The following PRRC2C variants were observed in gnomAD, a reference collection of about 807,000 sequenced individuals.
The protein encoded by PRRC2C is proline rich coiled-coil 2C.
PRRC2C carries 72 observed loss-of-function variants against 317.2 expected under a neutral mutation model. The observed-to-expected ratio is 0.23, with a 90% CI of 0.19 to 0.28. The LOEUF (loss-of-function observed/expected upper bound fraction) is 0.28, where lower values mean the gene tolerates loss of function less well. Among genes scored for constraint, PRRC2C ranks in the 10% least tolerant of loss-of-function variants. The pLI is 1.00. For synonymous variants in PRRC2C, 1,296 were observed against 1,205.9 expected, an observed-to-expected ratio of 1.07 and a Z score of -1.55; for missense variants, 3,074 against 3,459.7, an observed-to-expected ratio of 0.89 and a Z score of 2.80.
At chr1:171,503,485 C>T (rs1352010388) in intron 1 of PRRC2C, among the ~76,000 whole-genome samples, 2 of 151,430 alleles carry the variant, frequency 1.3e-5, no homozygotes, top group South Asian at 2.1e-4. Flanking sequence ...GATCGCGCCA[C>T]TGCACTCCAG....
chr1:171,487,822 A>G (rs1393468797), intron 1 of PRRC2C, among the ~76,000 whole-genome samples: 1 of 152,208 alleles, frequency 6.6e-6, no homozygotes, highest in African/African-American at 2.4e-5. Context: ...CTTCCAAGCA[A>G]TAAATAATCT....
intron 19 of PRRC2C, among the ~76,000 whole-genome samples, chr1:171,559,859 G>A (rs995946233): frequency 6.6e-6 from 1 of 152,054 alleles, no homozygotes; most frequent in Non-Finnish European, 1.5e-5. Context: ...GAGACCTACT[G>A]CTCAGGGGGA....
intron 30 of PRRC2C, among the ~76,000 whole-genome samples, chr1:171,586,704 C>G (rs927237177): frequency 2.0e-5 from 3 of 151,834 alleles, no homozygotes; most frequent in African/African-American, 7.3e-5. Context: ...CCTCAGCCTC[C>G]CAAGTAGCTG....
chr1:171,575,408 A>C (rs1026884464), intron 25 of PRRC2C, among the ~76,000 whole-genome samples: 1 of 152,194 alleles, frequency 6.6e-6, no homozygotes, highest in Non-Finnish European at 1.5e-5. Flanking sequence ...AAGAACAGAG[A>C]ATCACACCTC....
chr1:171,557,763 C>T lies in PRRC2C; in HGVS notation c.5651C>T (p.Ser1884Phe), dbSNP rs144754525. ...CCAACGCCAGCCCCAGCAGCCTCTT[C>T]CCCAGCTGCCCCAGTCATCACAGCA... Reference protein sequence around the residue: ...SAPTPAPAASSPAAPVITAPT... With the variant: ...SAPTPAPAASFPAAPVITAPT... The change falls in exon 19 of 35, where the codon TCC becomes TTC. Residue 1884 changes from serine to phenylalanine, a missense_variant. Transcript: ENST00000647382. 166 of 1,551,120 alleles carry T rather than the reference C, an allele frequency of 1.1e-4. No homozygotes were observed. The highest frequency in any genetic ancestry group is 1.4e-4 in the Non-Finnish European group (160 of 1,146,624).
chr1:171,552,426 C>T (rs998250754), intron 18 of PRRC2C, among the ~76,000 whole-genome samples: 85 of 152,196 alleles, frequency 5.6e-4, no homozygotes, highest in African/African-American at 2.0e-3. Flanking sequence ...AATTTGACTT[C>T]CTCTTTTCCT....
At chr1:171,576,143 T>G (rs1685658567) in intron 25 of PRRC2C, among the ~76,000 whole-genome samples, 1 of 152,246 alleles carries the variant, frequency 6.6e-6, no homozygotes, top group South Asian at 2.1e-4. Flanking sequence ...ACCACTCATT[T>G]GCCAAGGCAT....
chr1:171,557,407 A>T lies in PRRC2C; in HGVS notation c.5295A>T (p.Pro1765=). The T allele has an allele frequency of 6.5e-7, 1 of 1,548,568 alleles. No homozygotes were observed. The highest frequency in any genetic ancestry group is 1.2e-5 in the South Asian group (1 of 83,922). The part of the protein sequence containing the change: ...PLPPSTSASV[P]ASTSAPLPAT... ...CACCTTCAACCTCAGCTTCAGTTCC[A>T]GCCTCAACCTCAGCTCCACTTCCGG... The change falls in exon 19 of 35, where the codon CCA becomes CCT. Residue 1765 remains proline, a synonymous_variant. Transcript: ENST00000647382.
At chr1:171,589,831 A>G (rs1650978774) in intron 34 of PRRC2C, among the ~76,000 whole-genome samples, 1 of 146,762 alleles carries the variant, frequency 6.8e-6, no homozygotes, top group Admixed American at 6.9e-5. Context: ...TTTTTTTGCA[A>G]CTGTAGTCAG....
At chr1:171,533,615 T>TGTGGTG (rs1382281174) in intron 12 of PRRC2C, among the ~76,000 whole-genome samples, 1 of 152,110 alleles carries the variant, frequency 6.6e-6, no homozygotes, top group Admixed American at 6.6e-5. Context: ...TTGTTGTTGT[T>TGTGGTG]GTGGTGGTGG....
At position 171,537,384 on chromosome 1, in the gene PRRC2C, T is replaced by A. The variant is rs768843942; in HGVS notation, c.2415T>A (p.Pro805=). ...ARDHAISLSE[P]RMLWGSDPYP... is the part of the protein sequence containing the mutation. The stretch of plus-strand genomic sequence containing the variant: ...ATCACGCAATTTCCCTTTCTGAGCC[T>A]CGTATGCTGTGGGGGTCAGATCCCT... Residue 805 remains proline, a synonymous_variant, in exon 15 of 35, where the codon CCT becomes CCA. Transcript: ENST00000647382. 1 of 1,588,406 alleles carries A rather than the reference T, an allele frequency of 6.3e-7. No individual in the cohort carries two copies. The highest frequency in any genetic ancestry group is 1.2e-5 in the South Asian group (1 of 86,828).
intron 3 of PRRC2C, among the ~76,000 whole-genome samples, chr1:171,514,260 GTA>G (rs1491379548): frequency 3.6e-4 from 42 of 116,728 alleles, no homozygotes; most frequent in East Asian, 8.1e-4. Context: ...AAGTGTGTGT[GTA>G]TGTGTGTGTG....
intron 4 of PRRC2C, 33 bp downstream of exon 4, chr1:171,514,678 G>A (rs376592363): frequency 6.6e-7 from 1 of 1,518,438 alleles, no homozygotes; most frequent in African/African-American, 1.4e-5. Flanking sequence ...AGCTGCCTAG[G>A]CTTGATAGTT....
chr1:171,568,666 C>T (rs1424201184), intron 23 of PRRC2C, among the ~76,000 whole-genome samples: 2 of 152,108 alleles, frequency 1.3e-5, no homozygotes, highest in South Asian at 2.1e-4. Flanking sequence ...TTAACATGAA[C>T]GGTTGGTGAT....
intron 2 of PRRC2C, 92 bp from the exon 3 acceptor site, chr1:171,512,903 G>A (rs185285171): frequency 3.5e-6 from 4 of 1,131,516 alleles, no homozygotes; most frequent in African/African-American, 3.1e-5. Context: ...TTCAGGGATT[G>A]CATTAATTCC....
intron 17 of PRRC2C, among the ~76,000 whole-genome samples, chr1:171,548,192 C>T (rs1206877376): frequency 2.0e-5 from 3 of 152,070 alleles, no homozygotes; most frequent in African/African-American, 7.3e-5. Context: ...TAGTCAGGAA[C>T]TCCTGACCTC....
rs375449848 is a variant in PRRC2C at position 171,583,913 on chromosome 1, G to C, written c.7410-43G>C. The C allele has an allele frequency of 5.9e-6, 9 of 1,519,104 alleles. No homozygotes were observed. In the African/African-American group the frequency reaches 9.6e-5, roughly 16 times the overall value. 94.1% of individuals were successfully genotyped at this position (1,519,104 alleles called of 1,614,324 possible). A position where few individuals can be genotyped will look rare whatever the true frequency, so the allele number is the denominator to read the frequency against. On this transcript the variant is annotated intron_variant, in intron 28 of 34. Coordinates refer to ENST00000647382, the MANE Select transcript of PRRC2C (RefSeq NM_001387844.1). ...TTCTTAAGATTTTCAGATTCCAGAT[G>C]AAATTAACTTCTAACAATATTTTCT...
At chr1:171,494,858 G>C (rs997404538) in intron 1 of PRRC2C, among the ~76,000 whole-genome samples, 1 of 151,818 alleles carries the variant, frequency 6.6e-6, no homozygotes, top group Non-Finnish European at 1.5e-5. Context: ...CTCTGGGCCT[G>C]GGGTCTCAGC....
At chr1:171,577,286 G>T in intron 25 of PRRC2C, 148 bp from the exon 26 acceptor site, 3 of 574,618 alleles carry the variant, frequency 5.2e-6, no homozygotes, top group South Asian at 2.7e-5. Flanking sequence ...TCTTTTATAA[G>T]CTACCTCATC....
Sources: allele counts gnomAD v4.1 joint callset (sites outside exome capture counted in the v4.1 genomes callset), GRCh38; gene constraint gnomAD v4.1.1; transcripts MANE v1.5; gene names NCBI Gene and HGNC (gene_info 2026-07-23, HGNC 2026-07-21).